INPP4B: variants seen among roughly 807,000 people sequenced by gnomAD.
INPP4B encodes the protein inositol polyphosphate 4-phosphatase type II.
INPP4B carries 55 observed loss-of-function variants against 122.5 expected under a neutral mutation model. That is an observed-to-expected ratio of 0.45 (90% confidence interval 0.36 to 0.56). The LOEUF is 0.56. Among genes scored for constraint, INPP4B ranks in the 20% least tolerant of loss-of-function variants. INPP4B has a pLI of 0.00. For synonymous variants in INPP4B, 403 were observed against 388.7 expected (o/e 1.04, Z -0.43); for missense variants, 1,000 against 1,097.7 (o/e 0.91, Z 1.26).
At chr4:142,499,501 C>T (rs1314513761) in intron 2 of INPP4B, among the ~76,000 whole-genome samples, 1 of 152,082 alleles carries the variant, frequency 6.6e-6, no homozygotes, top group Non-Finnish European at 1.5e-5. Flanking sequence ...TGGACAGACT[C>T]ATTGAGGCGA....
At chr4:142,278,786 A>G (rs79587082) in intron 9 of INPP4B, among the ~76,000 whole-genome samples, 5,821 of 151,954 alleles carry the variant, frequency 0.038, 362 homozygotes, top group African/African-American at 0.13. Context: ...AATATTGTTC[A>G]TGAACTCTGG....
intron 2 of INPP4B, among the ~76,000 whole-genome samples, chr4:142,686,826 G>A (rs1236445159): frequency 1.3e-5 from 2 of 151,990 alleles, no homozygotes; most frequent in East Asian, 3.9e-4. Context: ...ATGATTCTGT[G>A]CCTCCTTTAC....
chr4:142,744,922 T>C (rs1768477525), intron 1 of INPP4B, among the ~76,000 whole-genome samples: 1 of 151,692 alleles, frequency 6.6e-6, no homozygotes, highest in African/African-American at 2.4e-5. Context: ...TTTCACAAGG[T>C]AGAGTTTTTA....
intron 25 of INPP4B, among the ~76,000 whole-genome samples, chr4:142,038,814 C>A (rs1021321686): frequency 3.3e-5 from 5 of 152,108 alleles, no homozygotes; most frequent in African/African-American, 1.2e-4. Flanking sequence ...GGAGAGATCG[C>A]CTATGTATCA....
At chr4:142,478,739 A>G (rs1820120595) in intron 2 of INPP4B, among the ~76,000 whole-genome samples, 1 of 152,184 alleles carries the variant, frequency 6.6e-6, no homozygotes, top group South Asian at 2.1e-4. Context: ...ATATTGGCCT[A>G]AAGTTTTCTT....
At chr4:142,211,526 A>C (rs1197762533) in intron 12 of INPP4B, among the ~76,000 whole-genome samples, 2 of 152,180 alleles carry the variant, frequency 1.3e-5, no homozygotes, top group Admixed American at 1.3e-4. Context: ...GAAGTAAAAA[A>C]ATAAGTGATA....
intron 17 of INPP4B, among the ~76,000 whole-genome samples, chr4:142,147,825 T>A (rs1811602056): frequency 6.6e-6 from 1 of 152,124 alleles, no homozygotes; most frequent in Non-Finnish European, 1.5e-5. Context: ...ACCAATTGCA[T>A]CCATAGATCA....
chr4:142,105,261 T>C (rs1409783443), intron 23 of INPP4B, among the ~76,000 whole-genome samples: 1 of 152,180 alleles, frequency 6.6e-6, no homozygotes, highest in Non-Finnish European at 1.5e-5. Flanking sequence ...TTTTAAATAG[T>C]CTAAAAGCAC....
intron 2 of INPP4B, among the ~76,000 whole-genome samples, chr4:142,499,083 G>A (rs72946877): frequency 5.3e-5 from 8 of 152,248 alleles, no homozygotes; most frequent in Non-Finnish European, 1.0e-4. Context: ...TCCCTGTAGG[G>A]ACTGGTTATC....
At chr4:142,152,635 C>T (rs1227001027) in intron 17 of INPP4B, among the ~76,000 whole-genome samples, 1 of 151,872 alleles carries the variant, frequency 6.6e-6, no homozygotes, top group Non-Finnish European at 1.5e-5. Context: ...CTTCTGTTGC[C>T]CAGACCAGAG....
intron 15 of INPP4B, among the ~76,000 whole-genome samples, chr4:142,184,598 C>T (rs1443051010): frequency 1.3e-5 from 2 of 152,154 alleles, no homozygotes; most frequent in African/African-American, 2.4e-5. Context: ...ATTCATCAAA[C>T]TCTTTTCAAG....
At chr4:142,603,947 C>G (rs1740646553) in intron 2 of INPP4B, among the ~76,000 whole-genome samples, 1 of 151,606 alleles carries the variant, frequency 6.6e-6, no homozygotes. Context: ...AGGCCAATAC[C>G]CCTGCTGAAC....
chr4:142,305,280 C>A (rs1371862375), intron 9 of INPP4B, among the ~76,000 whole-genome samples, 178 bp downstream of exon 9: 6 of 152,078 alleles, frequency 3.9e-5, no homozygotes, highest in South Asian at 4.1e-4. Context: ...GAAACATGAA[C>A]TTCAATGCAA....
intron 2 of INPP4B, among the ~76,000 whole-genome samples, chr4:142,722,633 T>C (rs1178361602): frequency 6.6e-6 from 1 of 152,220 alleles, no homozygotes; most frequent in Admixed American, 6.5e-5. Context: ...AATTTTTCTT[T>C]AATAATTACT....
At chr4:142,076,536 T>C (rs1437407960) in intron 25 of INPP4B, among the ~76,000 whole-genome samples, 1 of 152,054 alleles carries the variant, frequency 6.6e-6, no homozygotes, top group East Asian at 1.9e-4. Flanking sequence ...AAATACTGAC[T>C]GAAGTAATGT....
intron 5 of INPP4B, among the ~76,000 whole-genome samples, chr4:142,412,243 C>T (rs1185888937): frequency 6.6e-6 from 1 of 152,118 alleles, no homozygotes; most frequent in Non-Finnish European, 1.5e-5. Context: ...TTATATCATA[C>T]ATTAAAAGAT....
At chr4:142,656,557 T>C (rs1754175868) in intron 2 of INPP4B, among the ~76,000 whole-genome samples, 1 of 152,274 alleles carries the variant, frequency 6.6e-6, no homozygotes, top group Non-Finnish European at 1.5e-5. Flanking sequence ...GGGGCTAGGA[T>C]GCATGGCCTA....
intron 11 of INPP4B, among the ~76,000 whole-genome samples, chr4:142,252,870 T>C (rs1733072655): frequency 6.6e-6 from 1 of 152,202 alleles, no homozygotes; most frequent in African/African-American, 2.4e-5. Flanking sequence ...TATAGTCGTG[T>C]AGTTTAACAA....
chr4:142,387,200 T>G (rs1183923761), intron 7 of INPP4B, among the ~76,000 whole-genome samples: 1 of 152,114 alleles, frequency 6.6e-6, no homozygotes, highest in African/African-American at 2.4e-5. Context: ...TAAAAATTTG[T>G]CCATTAAAAA....
Sources: allele counts gnomAD v4.1 joint callset (sites outside exome capture counted in the v4.1 genomes callset), GRCh38; gene constraint gnomAD v4.1.1; transcripts MANE v1.5; gene names NCBI Gene and HGNC (gene_info 2026-07-23, HGNC 2026-07-21).